The following SCN3A variants were observed in gnomAD, a reference collection of about 807,000 sequenced individuals.
SCN3A encodes sodium voltage-gated channel alpha subunit 3.
A neutral mutation model predicts 187.6 loss-of-function variants in SCN3A; 60 were observed. The ratio of observed to expected loss-of-function variants is 0.32; its 90% CI spans 0.26 to 0.40. The LOEUF (loss-of-function observed/expected upper bound fraction) is 0.40, where lower values mean the gene tolerates loss of function less well. SCN3A is among the 10% of genes least tolerant of loss of function. The probability of loss-of-function intolerance (pLI) is 1.00; values close to 1 mark genes in which losing one functional copy is unlikely to be tolerated. For missense variants in SCN3A, 1,601 were observed against 2,428.2 expected, an observed-to-expected ratio of 0.66 and a Z score of 7.16; for synonymous variants, 788 against 829.2, an observed-to-expected ratio of 0.95 and a Z score of 0.85.
Position 165,157,683 on chromosome 2 carries a change from A to G in SCN3A, c.1032-1780T>C, listed in dbSNP as rs181563877. ...TAAGGAACCCGCAGTTATGATCTTA[A>G]GTATATACCAAAATTATTTGAAATT... On this transcript the variant is annotated intron_variant, in intron 9 of 27. Coordinates refer to ENST00000283254, the MANE Select transcript of SCN3A (RefSeq NM_006922.4). 1.1e-3 allele frequency among the ~76,000 whole-genome samples: 162 copies of G among 152,332 alleles called. 1 individual carries two copies. Among genetic ancestry groups the G allele is most frequent in the Non-Finnish European group, 1.3e-4 (9 of 68,028 alleles).
At chr2:165,199,102 A>G (rs190423739) in intron 1 of SCN3A, among the ~76,000 whole-genome samples, 19 of 152,088 alleles carry the variant, frequency 1.2e-4, no homozygotes, top group African/African-American at 4.1e-4. Context: ...CAACCAAAGT[A>G]AGAATAAAGT....
At chr2:165,116,265 T>C (rs928254763) in intron 18 of SCN3A, among the ~76,000 whole-genome samples, 3 of 152,200 alleles carry the variant, frequency 2.0e-5, no homozygotes, top group African/African-American at 7.2e-5. Flanking sequence ...ATAAATGGCA[T>C]TGTCCAGAAT....
At chr2:165,135,290 G>T (rs1687598195) in intron 15 of SCN3A, among the ~76,000 whole-genome samples, 1 of 151,984 alleles carries the variant, frequency 6.6e-6, no homozygotes, top group Non-Finnish European at 1.5e-5. Flanking sequence ...GAGATTCAAG[G>T]TCTCTTGATA....
At chr2:165,146,080 G>A (rs796680506) in intron 12 of SCN3A, among the ~76,000 whole-genome samples, 93 of 152,146 alleles carry the variant, frequency 6.1e-4, no homozygotes, top group African/African-American at 2.1e-3. Context: ...TACCTTTGAT[G>A]CTGTTCTCTT....
Position 165,192,680 on chromosome 2 carries a change from A to C in SCN3A, c.-247-5933T>G, listed in dbSNP as rs1291761763. On this transcript the variant is annotated intron_variant, in intron 1 of 27. Coordinates refer to ENST00000283254, the MANE Select transcript of SCN3A (RefSeq NM_006922.4). ...TGACATCTGGCGTTCAAAAATGTTCACGCTGTCTGAAATATCATTGACCAC... is the reference window on the plus strand; with the variant it reads ...TGACATCTGGCGTTCAAAAATGTTCCCGCTGTCTGAAATATCATTGACCAC... Among the ~76,000 whole-genome samples, 3 of 152,264 alleles carry C rather than the reference A, an allele frequency of 2.0e-5. No individual in the cohort carries two copies. The East Asian group carries it at 5.8e-4, about 29-fold the overall frequency.
rs971476667 is a variant in SCN3A at position 165,140,533 on chromosome 2, T to G, written c.2019+118A>C. On this transcript the variant is annotated intron_variant, in intron 13 of 27. Transcript: ENST00000283254. The surrounding 1 kb of genome is among the most constrained non-coding windows in gnomAD (Gnocchi z 4.2). The stretch of plus-strand genomic sequence containing the variant: ...GTTTTCCCTTTGATTAATCATGTAT[T>G]ATTTTTACCAACTTTCATTTTGAGG... The G allele has an allele frequency of 3.6e-5, 30 of 828,126 alleles. No homozygotes were observed. The Middle Eastern group carries it at 1.6e-3, about 43-fold the overall frequency. The allele number at this position is 828,126 out of a possible 1,614,324, so 51.3% of individuals were successfully genotyped here.
Position 165,203,915 on chromosome 2 carries a change from C to CTTTTTTT in SCN3A, c.-347_-341dup, listed in dbSNP as rs762858535. 2 of 94,680 alleles carry CTTTTTTT rather than the reference C, an allele frequency of 2.1e-5. No homozygotes were observed. The highest frequency in any genetic ancestry group is 4.5e-5 in the African/African-American group (1 of 22,112). 5.9% of individuals were successfully genotyped at this position (94,680 alleles called of 1,614,324 possible). On this transcript the variant is annotated 5_prime_UTR_variant, in exon 1 of 28. Coordinates refer to ENST00000283254, the MANE Select transcript of SCN3A (RefSeq NM_006922.4). ...CGTGTCTTCCTCTGCAGCTGTTCAGCTTTTTTTTTTTTTTTTTTTTTTGAC... is the reference window on the plus strand; with the variant it reads ...CGTGTCTTCCTCTGCAGCTGTTCAGCTTTTTTTTTTTTTTTTTTTTTTTTTTTTTGAC...
rs1256455580 is a variant in SCN3A at position 165,163,665 on chromosome 2, C to G, written c.647G>C (p.Arg216Thr). 1 of 1,613,964 alleles carries G rather than the reference C, an allele frequency of 6.2e-7. No individual in the cohort carries two copies. The highest frequency in any genetic ancestry group is 8.5e-7 in the Non-Finnish European group (1 of 1,180,000). Reference sequence around the variant, plus strand: ...CAGTGCTCGGAGAACTCTGAATGTTCTCAACGCTGAGACATTGCCCAGGTC... The same window carrying G: ...CAGTGCTCGGAGAACTCTGAATGTTGTCAACGCTGAGACATTGCCCAGGTC... ...FVDLGNVSAL[R>T]TFRVLRALKT... Residue 216 changes from arginine to threonine, a missense_variant, in exon 7 of 28, where the codon AGA (arginine) becomes ACA (threonine). By Grantham distance (71) the Arg-to-Thr change is moderately conservative (BLOSUM62 -1). Around this residue, in one of 11 missense-constraint regions of SCN3A, gnomAD observed 122 missense variants for 225.1 expected, o/e 0.54. Coordinates refer to ENST00000283254, the MANE Select transcript of SCN3A (RefSeq NM_006922.4).
chr2:165,103,735 C>T (rs1685719683), intron 21 of SCN3A, among the ~76,000 whole-genome samples: 1 of 152,094 alleles, frequency 6.6e-6, no homozygotes, highest in Admixed American at 6.5e-5. Context: ...AACCAAACAA[C>T]AGGAATTTTT....
rs922370877 is a variant in SCN3A at position 165,198,517 on chromosome 2, T to C, written c.-248+5306A>G. On this transcript the variant is annotated intron_variant, in intron 1 of 27. Transcript: ENST00000283254. ...ATCTGGTATTATAAATAATTTGAAA[T>C]AGATGATTCCATTTAACAACAGAGG... Among the ~76,000 whole-genome samples, 5 of 152,080 alleles carry C rather than the reference T, an allele frequency of 3.3e-5. No homozygotes were observed. The South Asian group carries it at 1.0e-3, about 31-fold the overall frequency.
intron 9 of SCN3A, among the ~76,000 whole-genome samples, chr2:165,156,244 C>A (rs79762515): frequency 6.6e-6 from 1 of 151,926 alleles, no homozygotes; most frequent in South Asian, 2.1e-4. Flanking sequence ...CAGTGGCTCA[C>A]GCCTGTAATC....
chr2:165,146,662 T>C (rs918279062), intron 12 of SCN3A, 77 bp downstream of exon 12: 3 of 1,519,900 alleles, frequency 2.0e-6, no homozygotes, highest in African/African-American at 2.7e-5. Flanking sequence ...AGTACAAAAG[T>C]GTACCAAAAC....
intron 1 of SCN3A, among the ~76,000 whole-genome samples, chr2:165,203,149 T>C (rs574367997): frequency 6.6e-6 from 1 of 151,960 alleles, no homozygotes; most frequent in East Asian, 1.9e-4. Flanking sequence ...TATATAATAA[T>C]CTTTAAATCA....
chr2:165,163,912 G>A, intron 6 of SCN3A: 3 of 1,607,926 alleles, frequency 1.9e-6, no homozygotes, highest in South Asian at 2.2e-5. Flanking sequence ...TTAAATCAGA[G>A]TTACTGATAG....
At chr2:165,139,769 T>A (rs1182615668) in intron 13 of SCN3A, 161 bp from the exon 14 acceptor site, 4 of 889,700 alleles carry the variant, frequency 4.5e-6, no homozygotes, top group African/African-American at 1.7e-5. Context: ...AGTTTTTTTT[T>A]TAAAAAAAAG....
At chr2:165,161,660 A>T (rs1287152875) in intron 9 of SCN3A, among the ~76,000 whole-genome samples, 1 of 152,222 alleles carries the variant, frequency 6.6e-6, no homozygotes, top group Non-Finnish European at 1.5e-5. Flanking sequence ...TTGATTTAAA[A>T]TTAACTTACA....
intron 9 of SCN3A, 21 bp downstream of exon 9, chr2:165,162,287 A>G (rs766518880): frequency 6.2e-7 from 1 of 1,605,024 alleles, no homozygotes; most frequent in Non-Finnish European, 8.5e-7. Flanking sequence ...TATATCTTAA[A>G]AAATATATTA....
chr2:165,119,030 G>A (rs1368600940), intron 18 of SCN3A, among the ~76,000 whole-genome samples: 1 of 152,118 alleles, frequency 6.6e-6, no homozygotes, highest in African/African-American at 2.4e-5. Flanking sequence ...CCAAAGTGCT[G>A]GGATTACAGG....
At chr2:165,180,767 G>A (rs1301238892) in intron 2 of SCN3A, among the ~76,000 whole-genome samples, 1 of 152,090 alleles carries the variant, frequency 6.6e-6, no homozygotes, top group Non-Finnish European at 1.5e-5. Context: ...CCATGGATGG[G>A]GAGTGTTATG....
Sources: allele counts gnomAD v4.1 joint callset (sites outside exome capture counted in the v4.1 genomes callset), GRCh38; gene constraint gnomAD v4.1.1; regional missense constraint gnomAD v4.1.1; non-coding constraint Gnocchi (gnomAD v3.1); transcripts MANE v1.5; gene names NCBI Gene and HGNC (gene_info 2026-07-23, HGNC 2026-07-21).